HERC5: variants seen among roughly 807,000 people sequenced by gnomAD.
The protein encoded by HERC5 is E3 ISG15--protein ligase HERC5.
Under a neutral mutation model 119.6 loss-of-function variants are expected in HERC5, and 99 were observed. The ratio of observed to expected loss-of-function variants is 0.83; its 90% CI spans 0.70 to 0.98. HERC5 has a LOEUF of 0.98. HERC5 is among the 50% of genes least tolerant of loss of function. The pLI is 0.00. For synonymous variants in HERC5, 478 were observed against 445.9 expected (o/e 1.07, Z -0.91); for missense variants, 1,267 against 1,241.3 (o/e 1.02, Z -0.31).
At chr4:88,501,739 T>G (rs1741952619) in intron 20 of HERC5, among the ~76,000 whole-genome samples, 1 of 152,200 alleles carries the variant, frequency 6.6e-6, no homozygotes, top group Non-Finnish European at 1.5e-5. Flanking sequence ...TCAAGAAATA[T>G]AACATTTCCA....
At position 88,457,506 on chromosome 4, in the gene HERC5, C is replaced by A; in HGVS notation, c.237C>A (p.Leu79=). 1 of 1,288,974 alleles carries A rather than the reference C, an allele frequency of 7.8e-7. No individual in the cohort carries two copies. The highest frequency in any genetic ancestry group is 9.8e-7 in the Non-Finnish European group (1 of 1,018,516). 79.8% of individuals were successfully genotyped at this position (1,288,974 alleles called of 1,614,324 possible). The change falls in exon 1 of 23, where the codon CTC becomes CTA. Residue 79 remains leucine, a synonymous_variant. Coordinates refer to ENST00000264350, the MANE Select transcript of HERC5 (RefSeq NM_016323.4). ...GGAGVQVHQL[L]AGSGGARTPK... ...CGGGCGTCCAGGTTCACCAGCTGCTCGCCGGGAGCGGCGGCGCCCGGACGC... is the reference window on the plus strand; with the variant it reads ...CGGGCGTCCAGGTTCACCAGCTGCTAGCCGGGAGCGGCGGCGCCCGGACGC...
chr4:88,462,455 A>C, intron 4 of HERC5, 99 bp downstream of exon 4: 1 of 932,360 alleles, frequency 1.1e-6, no homozygotes, highest in Non-Finnish European at 1.7e-6. Flanking sequence ...CTTCACTTTC[A>C]TTTTCACTGC....
intron 13 of HERC5, among the ~76,000 whole-genome samples, chr4:88,483,141 AT>A (rs1248172020): frequency 1.3e-5 from 2 of 151,792 alleles, no homozygotes; most frequent in African/African-American, 2.4e-5. Context: ...TTTAAAGGAA[AT>A]TTTTTTTCAT....
intron 12 of HERC5, 41 bp downstream of exon 12, chr4:88,476,071 G>A (rs1741059263): frequency 6.7e-7 from 1 of 1,498,226 alleles, no homozygotes; most frequent in African/African-American, 1.4e-5. Flanking sequence ...TGTCTTCTCA[G>A]TGGAAAGACA....
chr4:88,494,145 ATT>A lies in HERC5; in HGVS notation c.2278-12_2278-11del. On this transcript the variant is annotated intron_variant, in intron 17 of 22. Transcript: ENST00000264350. ...TGGTAAAAACTCATAATACTTTAAG[ATT>A]TTTTTTTCGCTTTTCAGCCTAAATT... is the stretch of plus-strand genomic sequence containing the variant. The A allele has an allele frequency of 6.5e-7, 1 of 1,528,044 alleles. No individual in the cohort carries two copies. The highest frequency in any genetic ancestry group is 2.3e-5 in the East Asian group (1 of 44,082). The allele number at this position is 1,528,044 out of a possible 1,614,324, so 94.7% of individuals were successfully genotyped here.
intron 12 of HERC5, among the ~76,000 whole-genome samples, chr4:88,476,594 A>G (rs1741073379): frequency 6.6e-6 from 1 of 152,112 alleles, no homozygotes; most frequent in Non-Finnish European, 1.5e-5. Context: ...AAGACATGAG[A>G]TTTCACTCAT....
intron 15 of HERC5, 64 bp downstream of exon 15, chr4:88,487,243 G>C (rs1741497644): frequency 1.1e-6 from 1 of 889,436 alleles, no homozygotes; most frequent in Admixed American, 2.1e-5. Context: ...TAATCATGCA[G>C]TATTTTGGGG....
chr4:88,486,824 T>C (rs1453487978), intron 14 of HERC5, among the ~76,000 whole-genome samples: 1 of 152,196 alleles, frequency 6.6e-6, no homozygotes, highest in African/African-American at 2.4e-5. Context: ...ACAGACTCTT[T>C]GGGAAAGCAT....
intron 13 of HERC5, among the ~76,000 whole-genome samples, chr4:88,484,322 C>T (rs1443475022): frequency 1.3e-5 from 2 of 152,206 alleles, no homozygotes; most frequent in East Asian, 1.9e-4. Context: ...TCTTTATGCT[C>T]ATGTATGTTG....
chr4:88,463,435 CTG>C, intron 4 of HERC5, 95 bp from the exon 5 acceptor site: 1 of 733,460 alleles, frequency 1.4e-6, no homozygotes, highest in Non-Finnish European at 2.4e-6. Flanking sequence ...ATCATGAGAA[CTG>C]TTGTCGCTGG....
At chr4:88,474,003 C>G (rs1171149919) in intron 11 of HERC5, 1 of 152,214 alleles carries the variant, frequency 6.6e-6, no homozygotes. Context: ...GCGATACGGA[C>G]TCTCAGACCT....
At position 88,467,224 on chromosome 4, in the gene HERC5, A is replaced by G. The variant is rs773698058; in HGVS notation, c.1057+20A>G. ...AACTTGGTAAATTCTATAGGAACAT[A>G]GGGTTTGGCATAGTATCTTTTTAGA... On this transcript the variant is annotated intron_variant, in intron 7 of 22. Transcript: ENST00000264350. The G allele has an allele frequency of 8.1e-6, 13 of 1,611,938 alleles. No individual in the cohort carries two copies. Among genetic ancestry groups the G allele is most frequent in the Non-Finnish European group, 1.1e-5 (13 of 1,178,302 alleles).
chr4:88,501,680 A>T lies in HERC5; in HGVS notation c.2582+695A>T, dbSNP rs146126637. ...AATTTTGCACAAGTCATAAATGTAC[A>T]GTTTAGTGAATTTCACAAAGCAAAC... On this transcript the variant is annotated intron_variant, in intron 20 of 22. Transcript: ENST00000264350. Among the ~76,000 whole-genome samples, 366 of 152,328 alleles carry T rather than the reference A, an allele frequency of 2.4e-3. 1 individual carries two copies. The highest frequency in any genetic ancestry group is 8.2e-3 in the African/African-American group (340 of 41,562).
chr4:88,478,254 T>G (rs1036223602), intron 12 of HERC5, among the ~76,000 whole-genome samples: 1 of 152,244 alleles, frequency 6.6e-6, no homozygotes, highest in Non-Finnish European at 1.5e-5. Context: ...AGTGAAAAAT[T>G]TATTACAAGT....
Position 88,457,434 on chromosome 4 carries a change from A to G in HERC5, c.165A>G (p.Gln55=), listed in dbSNP as rs979618592. ...ALLRRVEVTR[Q]LCCSPGRLAV... ...TCCGGAGGGTGGAGGTGACGCGCCA[A>G]CTCTGCTGCTCGCCGGGGCGCCTCG... is the stretch of plus-strand genomic sequence containing the variant. Residue 55 remains glutamine, a synonymous_variant, in exon 1 of 23, where the codon CAA becomes CAG. Coordinates refer to ENST00000264350, the MANE Select transcript of HERC5 (RefSeq NM_016323.4). 4 of 1,357,576 alleles carry G rather than the reference A, an allele frequency of 2.9e-6. No individual in the cohort carries two copies. Among genetic ancestry groups the G allele is most frequent in the African/African-American group, 1.5e-5 (1 of 66,444 alleles). The allele number at this position is 1,357,576 out of a possible 1,614,324, so 84.1% of individuals were successfully genotyped here. A position where few individuals can be genotyped will look rare whatever the true frequency, so the allele number is the denominator to read the frequency against.
Position 88,475,851 on chromosome 4 carries a change from G to C in HERC5, c.1403G>C (p.Cys468Ser), listed in dbSNP as rs761320899. The stretch of plus-strand genomic sequence containing the variant: ...CCTTTCTGACCACAGATAACCACCT[G>C]CCTCAAAGATAATCTGCTCAAAAGA... ...KDWITNMITT[C>S]LKDNLLKRLP... The change falls in exon 12 of 23, where the codon TGC becomes TCC. Residue 468 changes from cysteine to serine, a missense_variant. Physicochemically the swap from Cys to Ser is moderately radical, Grantham distance 112 (BLOSUM62 -1). Around this residue, in one of 3 missense-constraint regions of HERC5, gnomAD observed 777 missense variants for 758.0 expected, o/e 1.03. Coordinates refer to ENST00000264350, the MANE Select transcript of HERC5 (RefSeq NM_016323.4). 1 of 1,613,754 alleles carries C rather than the reference G, an allele frequency of 6.2e-7. No homozygotes were observed. The highest frequency in any genetic ancestry group is 1.1e-5 in the South Asian group (1 of 90,996).
Position 88,505,251 on chromosome 4 carries a change from A to G in HERC5, c.2870-422A>G, listed in dbSNP as rs527282427. 3.3e-5 allele frequency among the ~76,000 whole-genome samples: 5 copies of G among 151,542 alleles called. No individual in the cohort carries two copies. In the South Asian group the frequency reaches 1.0e-3, roughly 32 times the overall value. ...CCTTCTCCTGCCTTGAACCTCACCTACCTCCTTGTTGCCTTTCTAAACCTT... is the reference window on the plus strand; with the variant it reads ...CCTTCTCCTGCCTTGAACCTCACCTGCCTCCTTGTTGCCTTTCTAAACCTT... On this transcript the variant is annotated intron_variant, in intron 22 of 22. Coordinates refer to ENST00000264350, the MANE Select transcript of HERC5 (RefSeq NM_016323.4).
intron 17 of HERC5, 21 bp downstream of exon 17, chr4:88,493,176 T>C: frequency 6.2e-7 from 1 of 1,611,422 alleles, no homozygotes; most frequent in Non-Finnish European, 8.5e-7. Flanking sequence ...TCTTCTTTGC[T>C]TAAGGTATTT....
intron 11 of HERC5, chr4:88,473,349 T>C (rs1740943285): frequency 6.6e-6 from 1 of 152,080 alleles, no homozygotes; most frequent in Non-Finnish European, 1.5e-5. Flanking sequence ...TTTTAATCTC[T>C]CTCTGTGTTC....
Sources: gnomAD v4.1 joint callset for allele counts (sites outside exome capture counted in the v4.1 genomes callset) on GRCh38, gnomAD v4.1.1 for gene constraint, gnomAD v4.1.1 regional missense constraint, MANE v1.5 for transcripts, NCBI Gene and HGNC (gene_info 2026-07-23, HGNC 2026-07-21) for gene names.